SLIT2: variants seen among roughly 807,000 people sequenced by gnomAD.
SLIT2 encodes slit homolog 2 protein.
Under a neutral mutation model 185.7 loss-of-function variants are expected in SLIT2, and 41 were observed. That is an observed-to-expected ratio of 0.22 (90% CI 0.17 to 0.29). SLIT2 has a LOEUF of 0.29. Among genes scored for constraint, SLIT2 ranks in the 10% least tolerant of loss-of-function variants. SLIT2 has a pLI of 1.00. For synonymous variants in SLIT2, 693 were observed against 680.2 expected (o/e 1.02, Z -0.29); for missense variants, 1,571 against 1,909.0 (o/e 0.82, Z 3.30).
intron 4 of SLIT2, among the ~76,000 whole-genome samples, chr4:20,377,563 T>A (rs919419245): frequency 1.1e-4 from 16 of 152,146 alleles, no homozygotes; most frequent in African/African-American, 3.9e-4. Context: ...ATTCTGGTGT[T>A]GATTGCATAT....
chr4:20,445,363 G>A (rs182468419), intron 4 of SLIT2, among the ~76,000 whole-genome samples: 16 of 152,254 alleles, frequency 1.1e-4, no homozygotes, highest in Admixed American at 9.2e-4. Flanking sequence ...AATCTTAAGT[G>A]ATCTTTAAAA....
chr4:20,603,628 A>G (rs145486934), intron 33 of SLIT2, among the ~76,000 whole-genome samples: 24 of 152,312 alleles, frequency 1.6e-4, no homozygotes, highest in African/African-American at 5.8e-4. Flanking sequence ...AAACACAGCT[A>G]GCTACTGTTT....
intron 5 of SLIT2, among the ~76,000 whole-genome samples, chr4:20,469,058 T>G (rs1560449522): frequency 6.6e-6 from 1 of 152,144 alleles, no homozygotes; most frequent in Non-Finnish European, 1.5e-5. Flanking sequence ...ACTATGGCTG[T>G]AAGGTTTTTA....
Position 20,467,759 on chromosome 4 carries a change from A to T in SLIT2, c.403A>T (p.Ser135Cys). The T allele has an allele frequency of 6.3e-7, 1 of 1,590,320 alleles. No individual in the cohort carries two copies. Among genetic ancestry groups the T allele is most frequent in the Non-Finnish European group, 8.6e-7 (1 of 1,164,022 alleles). The change falls in exon 5 of 37, where the codon AGT (serine) becomes TGT (cysteine). Residue 135 changes from serine to cysteine, a missense_variant. This residue lies in a region of SLIT2 where 1,202 missense variants were observed against 1,416.4 expected (regional missense o/e 0.85). Coordinates refer to ENST00000504154, the MANE Select transcript of SLIT2 (RefSeq NM_004787.4). ...TGTTGTTGTTGTTTTTAGTGATCTC[A>T]GTGAAAACCAAATTCAGGCAATCCC... is the stretch of plus-strand genomic sequence containing the variant. ...GTAKLYRLDL[S>C]ENQIQAIPRK...
chr4:20,433,543 T>C (rs1004053630), intron 4 of SLIT2, among the ~76,000 whole-genome samples: 3 of 152,224 alleles, frequency 2.0e-5, no homozygotes, highest in Admixed American at 2.0e-4. Flanking sequence ...AACGTCATGT[T>C]ATTTTCCTTC....
At chr4:20,283,873 TA>T (rs1253890987) in intron 4 of SLIT2, among the ~76,000 whole-genome samples, 1 of 152,186 alleles carries the variant, frequency 6.6e-6, no homozygotes, top group African/African-American at 2.4e-5. Flanking sequence ...TCCCTCTTCT[TA>T]AAGAAGCAGA....
At chr4:20,367,294 G>A (rs961870178) in intron 4 of SLIT2, among the ~76,000 whole-genome samples, 1 of 152,108 alleles carries the variant, frequency 6.6e-6, no homozygotes, top group Admixed American at 6.6e-5. Context: ...TAATTGAGAT[G>A]CTTCTCTCTG....
intron 3 of SLIT2, among the ~76,000 whole-genome samples, chr4:20,258,260 G>C (rs1712069501): frequency 6.6e-6 from 1 of 151,742 alleles, no homozygotes; most frequent in African/African-American, 2.4e-5. Context: ...AGGAAGAAAG[G>C]TGGTACTTTT....
chr4:20,566,613 T>TA (rs1725112883), intron 26 of SLIT2, among the ~76,000 whole-genome samples: 1 of 151,990 alleles, frequency 6.6e-6, no homozygotes, highest in Non-Finnish European at 1.5e-5. Flanking sequence ...GAGAGGAAGA[T>TA]ACAGAAACAT....
At chr4:20,283,046 T>C (rs955114205) in intron 4 of SLIT2, among the ~76,000 whole-genome samples, 1 of 152,204 alleles carries the variant, frequency 6.6e-6, no homozygotes, top group African/African-American at 2.4e-5. Context: ...AACAATTTCA[T>C]TAACTTAGCA....
At chr4:20,444,376 G>A (rs1405085430) in intron 4 of SLIT2, among the ~76,000 whole-genome samples, 2 of 151,540 alleles carry the variant, frequency 1.3e-5, no homozygotes, top group Non-Finnish European at 2.9e-5. Context: ...CTGTTTTGTT[G>A]AAGGTTGTTT....
At chr4:20,423,925 C>G (rs1728354572) in intron 4 of SLIT2, among the ~76,000 whole-genome samples, 1 of 152,036 alleles carries the variant, frequency 6.6e-6, no homozygotes, top group Non-Finnish European at 1.5e-5. Context: ...ATGTGATCAA[C>G]TTGATATACG....
chr4:20,527,318 C>A (rs749270724), intron 15 of SLIT2, among the ~76,000 whole-genome samples: 1 of 151,728 alleles, frequency 6.6e-6, no homozygotes, highest in South Asian at 2.1e-4. Flanking sequence ...GATGGAGTCT[C>A]GCTGTCTCCC....
intron 11 of SLIT2, among the ~76,000 whole-genome samples, chr4:20,513,455 A>G (rs1407963396): frequency 1.3e-5 from 2 of 152,212 alleles, no homozygotes; most frequent in South Asian, 2.1e-4. Flanking sequence ...CATAAAATAT[A>G]TAACTACACA....
At chr4:20,518,628 G>A (rs1189954778) in intron 11 of SLIT2, among the ~76,000 whole-genome samples, 16 of 43,034 alleles carry the variant, frequency 3.7e-4, no homozygotes, top group East Asian at 7.8e-4. Flanking sequence ...TTTTTGAGAC[G>A]GAGTCTCGCT....
intron 17 of SLIT2, among the ~76,000 whole-genome samples, chr4:20,532,426 T>G (rs1230564958): frequency 6.6e-6 from 1 of 152,210 alleles, no homozygotes; most frequent in Non-Finnish European, 1.5e-5. Context: ...ATTGGACTTT[T>G]TTGCTTCATT....
intron 9 of SLIT2, among the ~76,000 whole-genome samples, chr4:20,503,243 T>C (rs1718896827): frequency 6.6e-6 from 1 of 152,202 alleles, no homozygotes; most frequent in African/African-American, 2.4e-5. Context: ...AAAGATGTTA[T>C]ACAATGTGGA....
chr4:20,595,303 A>G (rs1366172490), intron 30 of SLIT2, among the ~76,000 whole-genome samples: 4 of 152,310 alleles, frequency 2.6e-5, no homozygotes, highest in African/African-American at 9.6e-5. Context: ...ATTTTACAAC[A>G]TAGCACTTTT....
At chr4:20,420,650 A>G (rs1261291945) in intron 4 of SLIT2, among the ~76,000 whole-genome samples, 1 of 152,038 alleles carries the variant, frequency 6.6e-6, no homozygotes, top group Non-Finnish European at 1.5e-5. Context: ...GAGGGAAGGA[A>G]AAGGAGAGAG....
Sources: allele counts gnomAD v4.1 joint callset (sites outside exome capture counted in the v4.1 genomes callset), GRCh38; gene constraint gnomAD v4.1.1; regional missense constraint gnomAD v4.1.1; transcripts MANE v1.5; gene names NCBI Gene and HGNC (gene_info 2026-07-23, HGNC 2026-07-21).